The following XKR9 variants were observed in gnomAD, a reference collection of about 807,000 sequenced individuals.
The protein encoded by XKR9 is XK related 9.
XKR9 carries 32 observed loss-of-function variants against 32.0 expected under a neutral mutation model. The ratio of observed to expected loss-of-function variants is 1.00; its 90% CI spans 0.76 to 1.34. The LOEUF is 1.34. XKR9 is among the 40% of genes most tolerant of loss of function. The pLI, the probability that XKR9 is intolerant of heterozygous loss-of-function variation, is 0.00. For missense variants in XKR9, 546 were observed against 429.7 expected (o/e 1.27, Z -2.39); for synonymous variants, 168 against 143.4 (o/e 1.17, Z -1.22).
chr8:70,752,434 A>G (rs1425036149), intron 2 of XKR9, among the ~76,000 whole-genome samples: 1 of 152,204 alleles, frequency 6.6e-6, no homozygotes, highest in Non-Finnish European at 1.5e-5. Flanking sequence ...AACATGGCAG[A>G]TAAGTGGAAG....
the XKR9 span, among the ~76,000 whole-genome samples, chr8:70,905,699 G>A: frequency 2.0e-5 from 3 of 152,300 alleles, no homozygotes; most frequent in East Asian, 5.8e-4. Flanking sequence ...AGGAGAAGAG[G>A]TGCTCTGATT....
chr8:70,784,711 C>T (rs1170207472), intron 2 of XKR9, among the ~76,000 whole-genome samples: 2 of 152,000 alleles, frequency 1.3e-5, no homozygotes, highest in Non-Finnish European at 2.9e-5. Context: ...CTTAATTTCC[C>T]TGGCAACCAC....
chr8:70,897,881 A>G, the XKR9 span, among the ~76,000 whole-genome samples: 442 of 152,178 alleles, frequency 2.9e-3, 6 homozygotes, highest in African/African-American at 9.9e-3. Context: ...TTGATGTGAT[A>G]CCATTTTGCT....
At chr8:70,811,916 AG>A in the XKR9 span, among the ~76,000 whole-genome samples, 1 of 152,098 alleles carries the variant, frequency 6.6e-6, no homozygotes, top group East Asian at 1.9e-4. Flanking sequence ...ATAGAAAAAG[AG>A]GGAATCCTCC....
chr8:70,733,202 T>C (rs1806730819), intron 4 of XKR9, among the ~76,000 whole-genome samples: 1 of 152,210 alleles, frequency 6.6e-6, no homozygotes, highest in Non-Finnish European at 1.5e-5. Flanking sequence ...CTACAGAAAG[T>C]TGTAAGTTTT....
At chr8:71,016,056 T>A in the XKR9 span, among the ~76,000 whole-genome samples, 2 of 151,664 alleles carry the variant, frequency 1.3e-5, no homozygotes, top group African/African-American at 4.8e-5. Flanking sequence ...TGCTTAGCAA[T>A]CCATTTTCCC....
At chr8:70,967,929 C>T in the XKR9 span, among the ~76,000 whole-genome samples, 48,388 of 151,724 alleles carry the variant, frequency 0.32, 9,047 homozygotes, top group Non-Finnish European at 0.43. Context: ...TTGATCTTCT[C>T]GTGGAGTATA....
chr8:70,873,149 T>A, the XKR9 span, among the ~76,000 whole-genome samples: 1 of 152,196 alleles, frequency 6.6e-6, no homozygotes, highest in African/African-American at 2.4e-5. Flanking sequence ...ACTGCTCAGA[T>A]AAAGATTCCT....
At chr8:71,019,521 T>C in the XKR9 span, among the ~76,000 whole-genome samples, 1 of 152,316 alleles carries the variant, frequency 6.6e-6, no homozygotes, top group African/African-American at 2.4e-5. Context: ...CTCTCTGTGC[T>C]GGGCCCAATA....
the XKR9 span, among the ~76,000 whole-genome samples, chr8:70,901,883 C>A: frequency 6.6e-6 from 1 of 152,140 alleles, no homozygotes; most frequent in Non-Finnish European, 1.5e-5. Flanking sequence ...ATAAGGCTAG[C>A]CAGTTTTCCC....
chr8:70,707,552 C>T (rs181243322), intron 4 of XKR9, among the ~76,000 whole-genome samples: 3 of 152,036 alleles, frequency 2.0e-5, no homozygotes. Flanking sequence ...CATAGTATTG[C>T]AAATTATGAA....
chr8:70,800,910 T>A, the XKR9 span, among the ~76,000 whole-genome samples: 21 of 152,064 alleles, frequency 1.4e-4, no homozygotes, highest in African/African-American at 5.1e-4. Flanking sequence ...TTTCCAGGAA[T>A]ATATCCATTT....
At chr8:70,889,166 T>C in the XKR9 span, among the ~76,000 whole-genome samples, 1 of 151,924 alleles carries the variant, frequency 6.6e-6, no homozygotes, top group Non-Finnish European at 1.5e-5. Context: ...ATCTTTCACC[T>C]CCTTAATTAC....
chr8:70,681,146 G>C lies in XKR9; in HGVS notation c.88G>C (p.Val30Leu). The change falls in exon 3 of 5, where the codon GTC becomes CTC. Residue 30 changes from valine to leucine, a missense_variant. By Grantham distance (32) the Val-to-Leu change is conservative. Transcript: ENST00000408926. ...TTTAATTGTGGACATATGGGTATCT[G>C]TCAGATTTTTCCATGAAGGACAGTA... ...TDLIVDIWVSVRFFHEGQYVF... is the reference protein window; with the variant it reads ...TDLIVDIWVSLRFFHEGQYVF... The C allele has an allele frequency of 6.2e-7, 1 of 1,613,568 alleles. No individual in the cohort carries two copies. The highest frequency in any genetic ancestry group is 8.5e-7 in the Non-Finnish European group (1 of 1,179,608).
the XKR9 span, among the ~76,000 whole-genome samples, chr8:70,927,554 T>G: frequency 6.6e-6 from 1 of 152,144 alleles, no homozygotes; most frequent in Non-Finnish European, 1.5e-5. Context: ...TGGCGTCTTT[T>G]TGCAGTGTCC....
chr8:70,971,641 G>A, the XKR9 span, among the ~76,000 whole-genome samples: 24 of 152,126 alleles, frequency 1.6e-4, no homozygotes, highest in African/African-American at 4.3e-4. Flanking sequence ...TTTTGTATAA[G>A]ATGAGAGGTC....
the XKR9 span, among the ~76,000 whole-genome samples, chr8:70,888,948 T>C: frequency 6.6e-6 from 1 of 152,054 alleles, no homozygotes; most frequent in Non-Finnish European, 1.5e-5. Context: ...TCTTTTGTAG[T>C]TCCATTTAAA....
intron 4 of XKR9, among the ~76,000 whole-genome samples, chr8:70,733,130 G>C (rs562671832): frequency 1.9e-4 from 29 of 152,272 alleles, no homozygotes; most frequent in African/African-American, 6.7e-4. Flanking sequence ...GAAATAAAGA[G>C]AGTGGTAATT....
At chr8:70,831,592 A>C in the XKR9 span, among the ~76,000 whole-genome samples, 1 of 152,004 alleles carries the variant, frequency 6.6e-6, no homozygotes, top group Non-Finnish European at 1.5e-5. Context: ...TTTTTACTTC[A>C]TGATTTGTGC....
Sources: allele counts gnomAD v4.1 joint callset (sites outside exome capture counted in the v4.1 genomes callset), GRCh38; gene constraint gnomAD v4.1.1; transcripts MANE v1.5; gene names NCBI Gene and HGNC (gene_info 2026-07-23, HGNC 2026-07-21).